Variants in ZC3H11A observed in about 807,000 individuals in gnomAD.
ZC3H11A encodes the protein zinc finger CCCH-type containing 11A.
Under a neutral mutation model 90.8 loss-of-function variants are expected in ZC3H11A, and 22 were observed. The observed-to-expected ratio is 0.24, with a 90% CI of 0.17 to 0.35. The LOEUF (loss-of-function observed/expected upper bound fraction) is 0.35, where lower values mean the gene tolerates loss of function less well. ZC3H11A is among the 10% of genes least tolerant of loss of function. The pLI is 1.00. For synonymous variants in ZC3H11A, 294 were observed against 339.8 expected (o/e 0.87, Z 1.48); for missense variants, 701 against 964.9 (o/e 0.73, Z 3.62).
intron 17 of ZC3H11A, among the ~76,000 whole-genome samples, chr1:203,851,828 A>AC (rs1409667221): frequency 2.0e-5 from 3 of 151,646 alleles, no homozygotes; most frequent in Non-Finnish European, 2.9e-5. Context: ...AAAAAAAATC[A>AC]CATGGTGACA....
intron 12 of ZC3H11A, among the ~76,000 whole-genome samples, chr1:203,843,399 A>G (rs747817598): frequency 3.9e-5 from 6 of 152,076 alleles, no homozygotes; most frequent in Non-Finnish European, 8.8e-5. Flanking sequence ...TTTGTATTAG[A>G]TAGATGTTGG....
intron 10 of ZC3H11A, among the ~76,000 whole-genome samples, chr1:203,837,452 CTCT>C (rs1684716951): frequency 6.8e-6 from 1 of 146,928 alleles, no homozygotes; most frequent in Non-Finnish European, 1.5e-5. Context: ...TCCCTTGTCT[CTCT>C]TTTTTTTTTT....
intron 2 of ZC3H11A, chr1:203,805,560 A>C: frequency 1.7e-6 from 1 of 594,478 alleles, no homozygotes; most frequent in Non-Finnish European, 3.3e-6. Flanking sequence ...GTAAATTTGG[A>C]AAGATCAGTA....
chr1:203,812,578 ATTTTTTT>A (rs386369376), intron 2 of ZC3H11A, among the ~76,000 whole-genome samples: 3 of 109,316 alleles, frequency 2.7e-5, no homozygotes, highest in South Asian at 2.8e-4. Flanking sequence ...GCCATTCTAA[ATTTTTTT>A]TTTTTTTTTT....
intron 4 of ZC3H11A, among the ~76,000 whole-genome samples, chr1:203,825,542 C>T (rs893226387): frequency 1.3e-5 from 2 of 148,534 alleles, no homozygotes; most frequent in African/African-American, 5.0e-5. Flanking sequence ...TCAAGTGATT[C>T]TCCTGTCTCA....
Position 203,847,262 on chromosome 1 carries a change from GAGA to G in ZC3H11A, c.1123_1125del (p.Glu375del). The G allele has an allele frequency of 6.2e-7, 1 of 1,613,836 alleles. No individual in the cohort carries two copies. Among genetic ancestry groups the G allele is most frequent in the South Asian group, 1.1e-5 (1 of 91,062 alleles). On this transcript the variant is annotated inframe_deletion, in exon 13 of 18. Coordinates refer to ENST00000367210, the MANE Select transcript of ZC3H11A (RefSeq NM_001376342.1). ...CTTGAAAGAGCCAGTCAGAAACGTGGAGAATTGCAAACTAAACTCAAGACAGAA... is the reference window on the plus strand; with the variant it reads ...CTTGAAAGAGCCAGTCAGAAACGTGGATTGCAAACTAAACTCAAGACAGAA...
intron 4 of ZC3H11A, among the ~76,000 whole-genome samples, chr1:203,824,137 G>A (rs1288100733): frequency 6.6e-6 from 1 of 151,964 alleles, no homozygotes; most frequent in Non-Finnish European, 1.5e-5. Flanking sequence ...GCGTGGTGAC[G>A]CAGCCATGTA....
intron 3 of ZC3H11A, among the ~76,000 whole-genome samples, chr1:203,818,295 A>G (rs549621294): frequency 5.3e-5 from 8 of 151,202 alleles, no homozygotes; most frequent in Admixed American, 5.2e-4. Flanking sequence ...ACATTTTTAA[A>G]GAGGACCTAA....
At chr1:203,798,752 AAGTC>A (rs771572847) in intron 1 of ZC3H11A, 5 of 1,536,044 alleles carry the variant, frequency 3.3e-6, no homozygotes. Flanking sequence ...CAAGTCACAT[AAGTC>A]AGGCAATTAT....
At chr1:203,800,291 C>G in intron 1 of ZC3H11A, 1 of 918,956 alleles carries the variant, frequency 1.1e-6, no homozygotes, top group South Asian at 1.4e-5. Context: ...CTAAAAATAG[C>G]CACTTTCATC....
At position 203,852,417 on chromosome 1, in the gene ZC3H11A, C is replaced by G. The variant is rs764284296; in HGVS notation, c.*18C>G. 6.2e-7 allele frequency: 1 copy of G among 1,604,514 alleles called. No individual in the cohort carries two copies. Among genetic ancestry groups the G allele is most frequent in the Admixed American group, 1.7e-5 (1 of 57,806 alleles). On this transcript the variant is annotated 3_prime_UTR_variant, in exon 18 of 18. Transcript: ENST00000367210. Reference sequence around the variant, plus strand: ...ATAGCTGAAGGTGGTAGTGAGGACACTTTAAAAAAAAAATCGCCAAAAAAC... The same window carrying G: ...ATAGCTGAAGGTGGTAGTGAGGACAGTTTAAAAAAAAAATCGCCAAAAAAC...
rs1170982555 is a variant in ZC3H11A at position 203,818,284 on chromosome 1, T to TTC, written c.55-286_55-285insTC. ...TCAGTTTTGAAGATGAACTGTAAAA[T>TTC]ACATTTTTAAAGAGGACCTAACACT... On this transcript the variant is annotated intron_variant, in intron 3 of 17. Transcript: ENST00000367210. 2.0e-3 allele frequency among the ~76,000 whole-genome samples: 302 copies of TTC among 150,496 alleles called. 1 individual carries two copies. Among genetic ancestry groups the TTC allele is most frequent in the Non-Finnish European group, 3.6e-3 (243 of 66,626 alleles).
intron 1 of ZC3H11A, chr1:203,797,715 A>T (rs753528780): frequency 6.5e-7 from 1 of 1,535,186 alleles, no homozygotes; most frequent in South Asian, 1.2e-5. Flanking sequence ...AAAGAAAAGA[A>T]AGAAGGGTTT....
intron 2 of ZC3H11A, among the ~76,000 whole-genome samples, chr1:203,804,488 C>G (rs1671581015): frequency 6.6e-6 from 1 of 151,932 alleles, no homozygotes; most frequent in South Asian, 2.1e-4. Context: ...TGGTCTCTTC[C>G]TGTATATCTT....
rs558424621 is a variant in ZC3H11A at position 203,843,118 on chromosome 1, G to A, written c.1042+2744G>A. On this transcript the variant is annotated intron_variant, in intron 12 of 17. Transcript: ENST00000367210. ...GTTGGACATTCTTATTCTGTTGTATGCAACCTGAATTATTCAGAGATTTCT... is the reference window on the plus strand; with the variant it reads ...GTTGGACATTCTTATTCTGTTGTATACAACCTGAATTATTCAGAGATTTCT... Among the ~76,000 whole-genome samples the A allele has an allele frequency of 4.6e-5, 7 of 152,194 alleles. No individual in the cohort carries two copies. In the East Asian group the frequency reaches 1.4e-3, roughly 29 times the overall value.
intron 2 of ZC3H11A, among the ~76,000 whole-genome samples, chr1:203,804,238 G>C (rs999600423): frequency 6.8e-6 from 1 of 147,114 alleles, no homozygotes; most frequent in South Asian, 2.2e-4. Context: ...TGCAAACTCC[G>C]CCTCCCGGGT....
At chr1:203,821,818 C>T (rs768222222) in intron 4 of ZC3H11A, among the ~76,000 whole-genome samples, 24 of 150,750 alleles carry the variant, frequency 1.6e-4, no homozygotes, top group Non-Finnish European at 2.7e-4. Flanking sequence ...AGTGCAGTGG[C>T]GCGATCTCCG....
At chr1:203,805,542 CT>C in intron 2 of ZC3H11A, 1 of 562,130 alleles carries the variant, frequency 1.8e-6, no homozygotes, top group South Asian at 1.4e-5. Context: ...AGAAACGTAT[CT>C]GTTACGGTAA....
rs375935326 is a variant in ZC3H11A, at chr1:203,851,934, A to C, written c.2175-207A>C. 3.0e-5 allele frequency among the ~76,000 whole-genome samples: 4 copies of C among 131,476 alleles called. No homozygotes were observed. The East Asian group carries it at 9.6e-4, about 32-fold the overall frequency. 86.3% of individuals were successfully genotyped at this position (131,476 alleles called of 152,430 possible). On this transcript the variant is annotated intron_variant, in intron 17 of 17. Transcript: ENST00000367210. ...CAGTGAGCCATGATTGTACCACTAC[A>C]CTCCAGCCTGGGTGACAAAGGGAGA...
Sources: gnomAD v4.1 joint callset for allele counts (sites outside exome capture counted in the v4.1 genomes callset) on GRCh38, gnomAD v4.1.1 for gene constraint, MANE v1.5 for transcripts, NCBI Gene and HGNC (gene_info 2026-07-23, HGNC 2026-07-21) for gene names.